The following GPC6 variants were observed in gnomAD, a reference collection of about 807,000 sequenced individuals.
GPC6 encodes glypican-6.
Under a neutral mutation model 55.2 loss-of-function variants are expected in GPC6, and 14 were observed. The observed-to-expected ratio is 0.25, with a 90% CI of 0.17 to 0.40. The LOEUF (loss-of-function observed/expected upper bound fraction) is 0.40, where lower values mean the gene tolerates loss of function less well. Ranked by LOEUF, GPC6 falls within the 10% of genes least tolerant of loss-of-function variation. GPC6 has a pLI of 1.00. For synonymous variants in GPC6, 278 were observed against 259.6 expected, an observed-to-expected ratio of 1.07 and a Z score of -0.68; for missense variants, 641 against 708.5, an observed-to-expected ratio of 0.90 and a Z score of 1.08.
At chr13:94,059,279 G>C (rs974560019) in intron 4 of GPC6, among the ~76,000 whole-genome samples, 2 of 151,770 alleles carry the variant, frequency 1.3e-5, no homozygotes. Flanking sequence ...GCTGGGTGTG[G>C]ACTACTATGT....
rs534556876 is a variant in GPC6, at chr13:93,479,651, T to C, written c.161-65612T>C. ...TAAAAATAAAAAAATTAGCTAGGTG[T>C]GGTGGTATGCTATCAAAAGTTAGAA... On this transcript the variant is annotated intron_variant, in intron 1 of 8. Transcript: ENST00000377047. 1.3e-3 allele frequency among the ~76,000 whole-genome samples: 202 copies of C among 150,674 alleles called. 1 individual carries two copies. Among genetic ancestry groups the C allele is most frequent in the Non-Finnish European group, 2.7e-3 (184 of 67,900 alleles).
At chr13:93,948,247 C>T (rs1268231717) in intron 3 of GPC6, among the ~76,000 whole-genome samples, 1 of 152,118 alleles carries the variant, frequency 6.6e-6, no homozygotes, top group Admixed American at 6.5e-5. Context: ...TTCCTCCTAT[C>T]GTATTTTCTC....
At chr13:94,215,309 T>C (rs1029387548) in intron 4 of GPC6, among the ~76,000 whole-genome samples, 1 of 152,166 alleles carries the variant, frequency 6.6e-6, no homozygotes, top group Non-Finnish European at 1.5e-5. Context: ...TCTACAATCA[T>C]CTGCTTCTAT....
At chr13:93,365,464 G>A (rs988265035) in intron 1 of GPC6, among the ~76,000 whole-genome samples, 15 of 151,896 alleles carry the variant, frequency 9.9e-5, no homozygotes, top group African/African-American at 3.6e-4. Context: ...GCCTTGTAGG[G>A]GTTTTAAAAA....
At chr13:93,280,339 T>C (rs1277765619) in intron 1 of GPC6, among the ~76,000 whole-genome samples, 2 of 152,206 alleles carry the variant, frequency 1.3e-5, no homozygotes, top group East Asian at 3.9e-4. Context: ...CTGTAGGTTT[T>C]TACCCAAGGT....
intron 3 of GPC6, among the ~76,000 whole-genome samples, chr13:93,881,718 A>AACAT (rs140607684): frequency 6.6e-6 from 1 of 151,868 alleles, no homozygotes; most frequent in South Asian, 2.1e-4. Flanking sequence ...CATATGGTTC[A>AACAT]ATATATATAT....
At chr13:94,238,171 CT>C (rs1890937705) in intron 4 of GPC6, among the ~76,000 whole-genome samples, 1 of 152,046 alleles carries the variant, frequency 6.6e-6, no homozygotes. Context: ...TTGGAGACGG[CT>C]TTTAGATGTC....
At chr13:93,894,570 C>T (rs943044316) in intron 3 of GPC6, among the ~76,000 whole-genome samples, 18 of 152,070 alleles carry the variant, frequency 1.2e-4, no homozygotes, top group Admixed American at 8.5e-4. Flanking sequence ...ATTTCAATCA[C>T]AATTGGAGTA....
chr13:93,788,751 G>C (rs1390887333), intron 2 of GPC6, among the ~76,000 whole-genome samples: 4 of 152,044 alleles, frequency 2.6e-5, no homozygotes, highest in African/African-American at 4.8e-5. Flanking sequence ...GATCCAGAAG[G>C]GTTTTGTGTA....
intron 3 of GPC6, among the ~76,000 whole-genome samples, chr13:94,022,620 G>C (rs1025780984): frequency 6.6e-6 from 1 of 151,924 alleles, no homozygotes; most frequent in Admixed American, 6.6e-5. Context: ...GGGATTACTG[G>C]ACTTTATACT....
intron 1 of GPC6, among the ~76,000 whole-genome samples, chr13:93,360,407 G>C (rs1343533043): frequency 6.6e-6 from 1 of 152,110 alleles, no homozygotes; most frequent in African/African-American, 2.4e-5. Context: ...TTGTGAGTAG[G>C]TGACAGAGGC....
chr13:93,559,590 G>T (rs1875655550), intron 2 of GPC6, among the ~76,000 whole-genome samples: 1 of 152,102 alleles, frequency 6.6e-6, no homozygotes, highest in Non-Finnish European at 1.5e-5. Flanking sequence ...GAAAATCCCA[G>T]AGCCTCTAGA....
At chr13:93,427,178 T>C (rs1419121780) in intron 1 of GPC6, among the ~76,000 whole-genome samples, 1 of 152,082 alleles carries the variant, frequency 6.6e-6, no homozygotes, top group Admixed American at 6.6e-5. Flanking sequence ...TTTTCTCCCA[T>C]TTTGTAGGTT....
intron 2 of GPC6, among the ~76,000 whole-genome samples, chr13:93,689,065 C>T (rs1446228547): frequency 6.6e-6 from 1 of 151,886 alleles, no homozygotes; most frequent in East Asian, 1.9e-4. Context: ...TATTTTAAAC[C>T]TCAGATTTAC....
chr13:93,559,121 T>C (rs1307068471), intron 2 of GPC6, among the ~76,000 whole-genome samples: 5 of 152,134 alleles, frequency 3.3e-5, no homozygotes, highest in Non-Finnish European at 7.4e-5. Flanking sequence ...ATATGAACTG[T>C]GTTATCACAA....
intron 3 of GPC6, among the ~76,000 whole-genome samples, chr13:93,874,807 C>G (rs1050587538): frequency 4.0e-5 from 6 of 151,842 alleles, no homozygotes; most frequent in African/African-American, 1.2e-4. Flanking sequence ...CAGATCATCT[C>G]AGTGGCATCC....
chr13:94,150,895 C>G (rs1887717459), intron 4 of GPC6, among the ~76,000 whole-genome samples: 1 of 147,268 alleles, frequency 6.8e-6, no homozygotes, highest in Non-Finnish European at 1.5e-5. Flanking sequence ...TAAAGCATAT[C>G]ACTGAGACCT....
In GPC6 at chr13:93,328,975, C is replaced by A. The variant is rs915773795; in HGVS notation, c.160+101359C>A. 3.3e-5 allele frequency among the ~76,000 whole-genome samples: 5 copies of A among 152,168 alleles called. No individual in the cohort carries two copies. The South Asian group carries it at 1.0e-3, about 32-fold the overall frequency. ...GAACTCAGGGCTGCAGATTCTGATA[C>A]CCTATATAGGTCAAAGACCAGGGTG... On this transcript the variant is annotated intron_variant, in intron 1 of 8. Transcript: ENST00000377047.
intron 3 of GPC6, among the ~76,000 whole-genome samples, chr13:93,868,762 C>A (rs749604586): frequency 6.6e-6 from 1 of 151,766 alleles, no homozygotes; most frequent in East Asian, 2.0e-4. Context: ...CAAACATAAT[C>A]CAAGACAAAG....
Sources: gnomAD v4.1 joint callset for allele counts (sites outside exome capture counted in the v4.1 genomes callset) on GRCh38, gnomAD v4.1.1 for gene constraint, MANE v1.5 for transcripts, NCBI Gene and HGNC (gene_info 2026-07-23, HGNC 2026-07-21) for gene names.